Variants in CACNA1D observed in about 807,000 individuals in gnomAD.
CACNA1D encodes the protein voltage-dependent L-type calcium channel subunit alpha-1D.
CACNA1D carries 55 observed loss-of-function variants against 257.1 expected under a neutral mutation model. The ratio of observed to expected loss-of-function variants is 0.21; its 90% CI spans 0.17 to 0.27. CACNA1D has a LOEUF of 0.27. Among genes scored for constraint, CACNA1D ranks in the 10% least tolerant of loss-of-function variants. The pLI is 1.00. For missense variants in CACNA1D, 1,876 were observed against 2,784.0 expected (o/e 0.67, Z 7.34); for synonymous variants, 980 against 1,014.9 (o/e 0.97, Z 0.65).
intron 3 of CACNA1D, among the ~76,000 whole-genome samples, chr3:53,593,821 A>G (rs2093338522): frequency 6.6e-6 from 1 of 152,152 alleles, no homozygotes; most frequent in Admixed American, 6.5e-5. Context: ...TCTGCCTGCT[A>G]CAGGGCTGGG....
chr3:53,586,410 C>T (rs979261494), intron 3 of CACNA1D, among the ~76,000 whole-genome samples: 3 of 151,476 alleles, frequency 2.0e-5, no homozygotes, highest in South Asian at 4.2e-4. Flanking sequence ...TGGTTTTCCT[C>T]ATTCTCTTCG....
At position 53,639,859 on chromosome 3, in the gene CACNA1D, C is replaced by CT. The variant is rs34925431; in HGVS notation, c.484-10898dup. The stretch of plus-strand genomic sequence containing the variant: ...TTTTGAAATGTTCACTCATTTCTTA[C>CT]TTTTTTTTTTTTTTTTTTTTTTGAC... On this transcript the variant is annotated intron_variant, in intron 3 of 47. Coordinates refer to ENST00000350061, the MANE Select transcript of CACNA1D (RefSeq NM_001128840.3). 4.1e-3 allele frequency among the ~76,000 whole-genome samples: 423 copies of CT among 102,062 alleles called. 7 individuals carry two copies. The highest frequency in any genetic ancestry group is 8.5e-3 in the African/African-American group (208 of 24,366). 67.0% of individuals were successfully genotyped at this position (102,062 alleles called of 152,430 possible).
At chr3:53,649,098 G>A (rs912864904) in intron 3 of CACNA1D, among the ~76,000 whole-genome samples, 1 of 152,258 alleles carries the variant, frequency 6.6e-6, no homozygotes, top group East Asian at 1.9e-4. Context: ...TGGCACGGCC[G>A]GTGACAGAGG....
At position 53,673,261 on chromosome 3, in the gene CACNA1D, G is replaced by T. The variant is rs2094343231; in HGVS notation, c.1220+135G>T. 6 of 635,066 alleles carry T rather than the reference G, an allele frequency of 9.4e-6. No individual in the cohort carries two copies. Among genetic ancestry groups the T allele is most frequent in the Non-Finnish European group, 1.7e-5 (6 of 356,284 alleles). 39.3% of individuals were successfully genotyped at this position (635,066 alleles called of 1,614,324 possible). On this transcript the variant is annotated intron_variant, in intron 8 of 47. Transcript: ENST00000350061. The surrounding 1 kb of genome is among the most constrained non-coding windows in gnomAD (Gnocchi z 4.1). Reference sequence around the variant, plus strand: ...TGTCCTCTGAGATGCTTTCTTTTCTGCTGAGGCTTCCCAAATCAAGCTGTT... The same window carrying T: ...TGTCCTCTGAGATGCTTTCTTTTCTTCTGAGGCTTCCCAAATCAAGCTGTT...
intron 3 of CACNA1D, among the ~76,000 whole-genome samples, chr3:53,530,056 T>C (rs992251270): frequency 7.9e-4 from 121 of 152,294 alleles, no homozygotes; most frequent in African/African-American, 2.8e-3. Context: ...TTGGTGGCAT[T>C]GTTGGTTGCT....
chr3:53,745,414 T>C (rs531069317), intron 23 of CACNA1D, among the ~76,000 whole-genome samples: 12 of 152,188 alleles, frequency 7.9e-5, no homozygotes, highest in Middle Eastern at 6.8e-3. Flanking sequence ...CTAATTTTTG[T>C]ATTTTTAGTA....
chr3:53,738,343 G>A (rs1276475027), intron 20 of CACNA1D, among the ~76,000 whole-genome samples: 17 of 152,190 alleles, frequency 1.1e-4, no homozygotes, highest in Admixed American at 7.2e-4. Flanking sequence ...CCCATGGTGC[G>A]TGTTAGTGTC....
In CACNA1D at chr3:53,723,684, A is replaced by T; in HGVS notation, c.1892+25A>T. ...GGTAAGGAAATGTGGGTCCCACTGC[A>T]AATGTTTTATGAACATGAGGCGGCA... On this transcript the variant is annotated intron_variant, in intron 13 of 47. Transcript: ENST00000350061. This position sits in a 1 kb window ranked among gnomAD's most constrained non-coding sequence, Gnocchi z 5.6. The T allele has an allele frequency of 1.2e-6, 2 of 1,608,368 alleles. No homozygotes were observed. The highest frequency in any genetic ancestry group is 1.7e-6 in the Non-Finnish European group (2 of 1,174,808).
intron 3 of CACNA1D, among the ~76,000 whole-genome samples, chr3:53,626,043 T>C (rs62251933): frequency 0.017 from 2,557 of 152,264 alleles, 36 homozygotes; most frequent in Non-Finnish European, 0.028. Flanking sequence ...TAGATTAGCT[T>C]AGAAGCTGGA....
intron 14 of CACNA1D, among the ~76,000 whole-genome samples, chr3:53,726,498 G>A (rs1326970010): frequency 1.3e-5 from 2 of 152,140 alleles, no homozygotes; most frequent in African/African-American, 2.4e-5. Context: ...TTAGCCGAGT[G>A]TGGTGGTGGT....
intron 25 of CACNA1D, among the ~76,000 whole-genome samples, chr3:53,746,953 A>G (rs778820073): frequency 3.3e-5 from 5 of 152,204 alleles, no homozygotes; most frequent in South Asian, 2.1e-4. Flanking sequence ...AGAGTTCTCT[A>G]TGGCTGAGCT....
intron 3 of CACNA1D, among the ~76,000 whole-genome samples, chr3:53,569,002 G>A (rs765679792): frequency 6.6e-6 from 1 of 152,000 alleles, no homozygotes. Flanking sequence ...ATCCTCCCTC[G>A]TTAATGCACT....
intron 3 of CACNA1D, among the ~76,000 whole-genome samples, chr3:53,646,043 A>G (rs547275581): frequency 3.3e-5 from 5 of 152,306 alleles, no homozygotes; most frequent in Non-Finnish European, 7.4e-5. Context: ...TTATTCATCT[A>G]AAGAGGGAAG....
intron 8 of CACNA1D, among the ~76,000 whole-genome samples, chr3:53,696,634 G>GT (rs1469745015): frequency 1.3e-5 from 2 of 152,196 alleles, no homozygotes; most frequent in Non-Finnish European, 2.9e-5. Context: ...CAGAGAATGT[G>GT]TCACCAAAAG....
At chr3:53,629,362 T>A (rs1451369332) in intron 3 of CACNA1D, among the ~76,000 whole-genome samples, 1 of 151,680 alleles carries the variant, frequency 6.6e-6, no homozygotes, top group East Asian at 1.9e-4. Context: ...CCATTTTCTC[T>A]TAAGAAAGTG....
At chr3:53,576,486 G>C (rs2093040160) in intron 3 of CACNA1D, among the ~76,000 whole-genome samples, 1 of 152,170 alleles carries the variant, frequency 6.6e-6, no homozygotes, top group East Asian at 1.9e-4. Context: ...AAGAACACAA[G>C]AATCTCCATC....
intron 46 of CACNA1D, chr3:53,809,115 T>G (rs1049000833): frequency 6.4e-6 from 2 of 310,754 alleles, no homozygotes; most frequent in African/African-American, 4.3e-5. Flanking sequence ...CTTGGCTGAT[T>G]CTGAACAAGC....
chr3:53,602,273 G>C (rs538179299), intron 3 of CACNA1D, among the ~76,000 whole-genome samples: 10 of 152,322 alleles, frequency 6.6e-5, no homozygotes, highest in Non-Finnish European at 1.5e-4. Flanking sequence ...CCAAGTGGCT[G>C]CAAGTGACAG....
Position 53,495,524 on chromosome 3 carries a change from C to G in CACNA1D, c.67+291C>G, listed in dbSNP as rs1392471310. 1.3e-5 allele frequency among the ~76,000 whole-genome samples: 2 copies of G among 152,128 alleles called. No homozygotes were observed. Among genetic ancestry groups the G allele is most frequent in the African/African-American group, 2.4e-5 (1 of 41,438 alleles). On this transcript the variant is annotated intron_variant, in intron 1 of 47. Coordinates refer to ENST00000350061, the MANE Select transcript of CACNA1D (RefSeq NM_001128840.3). The surrounding 1 kb of genome is among the most constrained non-coding windows in gnomAD (Gnocchi z 5.1). Reference sequence around the variant, plus strand: ...GTCGGGGTGATTCGGGTTCAGTGTCCTCGGGCTCAACTTTCCTTCAACGCC... The same window carrying G: ...GTCGGGGTGATTCGGGTTCAGTGTCGTCGGGCTCAACTTTCCTTCAACGCC...
Sources: allele counts gnomAD v4.1 joint callset (sites outside exome capture counted in the v4.1 genomes callset), GRCh38; gene constraint gnomAD v4.1.1; non-coding constraint Gnocchi (gnomAD v3.1); transcripts MANE v1.5; gene names NCBI Gene and HGNC (gene_info 2026-07-23, HGNC 2026-07-21).